MDGA2: variants seen among roughly 807,000 people sequenced by gnomAD.
MDGA2 encodes MAM domain-containing glycosylphosphatidylinositol anchor protein 2.
MDGA2 carries 40 observed loss-of-function variants against 117.8 expected under a neutral mutation model. The ratio of observed to expected loss-of-function variants is 0.34; its 90% CI spans 0.26 to 0.44. The LOEUF is 0.44. Ranked by LOEUF, MDGA2 falls within the 20% of genes least tolerant of loss-of-function variation. MDGA2 has a pLI of 1.00. For synonymous variants in MDGA2, 452 were observed against 439.0 expected, an observed-to-expected ratio of 1.03 and a Z score of -0.37; for missense variants, 1,123 against 1,250.6, an observed-to-expected ratio of 0.90 and a Z score of 1.54.
chr14:47,606,551 T>C (rs933196749), intron 1 of MDGA2, among the ~76,000 whole-genome samples: 2 of 152,202 alleles, frequency 1.3e-5, no homozygotes, highest in Admixed American at 1.3e-4. Flanking sequence ...TGACTGTGTG[T>C]AGCAATCTTG....
At chr14:47,444,183 G>A (rs1893072836) in intron 1 of MDGA2, 1 of 221,450 alleles carries the variant, frequency 4.5e-6, no homozygotes, top group Non-Finnish European at 9.4e-6. Context: ...GCCAGCTGAG[G>A]TTGTCAATAC....
chr14:47,244,211 A>G (rs1405156064), intron 2 of MDGA2, among the ~76,000 whole-genome samples: 1 of 151,874 alleles, frequency 6.6e-6, no homozygotes, highest in Non-Finnish European at 1.5e-5. Flanking sequence ...GTATTGGCTT[A>G]ACAAATGAAT....
At chr14:47,071,862 C>T (rs757245771) in intron 6 of MDGA2, among the ~76,000 whole-genome samples, 42 of 152,144 alleles carry the variant, frequency 2.8e-4, no homozygotes, top group Non-Finnish European at 4.4e-4. Context: ...TTTTTACCCA[C>T]TTCTTTATAG....
At chr14:46,985,317 T>C (rs2138403650) in intron 8 of MDGA2, among the ~76,000 whole-genome samples, 1 of 152,198 alleles carries the variant, frequency 6.6e-6, no homozygotes, top group Non-Finnish European at 1.5e-5. Flanking sequence ...TTTTGTTTTC[T>C]ACTACTAATT....
chr14:47,549,343 A>ATCTCTCTCTATCTCTCTCTC (rs1895532146), intron 1 of MDGA2, among the ~76,000 whole-genome samples: 1 of 140,112 alleles, frequency 7.1e-6, no homozygotes, highest in African/African-American at 2.7e-5. Flanking sequence ...CACCAGTATT[A>ATCTCTCTCTATCTCTCTCTC]TCTCTCTCTC....
At chr14:46,982,064 A>G (rs1006825189) in intron 8 of MDGA2, among the ~76,000 whole-genome samples, 2 of 152,198 alleles carry the variant, frequency 1.3e-5, no homozygotes, top group Non-Finnish European at 2.9e-5. Flanking sequence ...TTTGAGCATC[A>G]CCTAAATATT....
At chr14:47,454,855 A>G (rs1049556232) in intron 1 of MDGA2, among the ~76,000 whole-genome samples, 6 of 136,138 alleles carry the variant, frequency 4.4e-5, no homozygotes, top group African/African-American at 1.6e-4. Flanking sequence ...AGCAAAGATG[A>G]CTTTGAGAAA....
At chr14:47,450,139 T>G (rs1594862708) in intron 1 of MDGA2, among the ~76,000 whole-genome samples, 1 of 151,432 alleles carries the variant, frequency 6.6e-6, no homozygotes, top group African/African-American at 2.4e-5. Context: ...CATTTGAAGG[T>G]TTTTTTTAGT....
intron 10 of MDGA2, among the ~76,000 whole-genome samples, chr14:46,889,583 A>G (rs1230930050): frequency 6.6e-6 from 1 of 151,928 alleles, no homozygotes; most frequent in Non-Finnish European, 1.5e-5. Flanking sequence ...ATGTCCTTGG[A>G]ACTGTCTTGG....
intron 2 of MDGA2, among the ~76,000 whole-genome samples, chr14:47,251,910 A>C (rs940447092): frequency 6.6e-6 from 1 of 150,794 alleles, no homozygotes; most frequent in African/African-American, 2.4e-5. Flanking sequence ...TATTTGACTC[A>C]GAACAAGGTT....
chr14:47,619,183 T>G (rs1854839695), intron 1 of MDGA2, among the ~76,000 whole-genome samples: 2 of 151,182 alleles, frequency 1.3e-5, no homozygotes, highest in Admixed American at 1.3e-4. Flanking sequence ...CTAATATGAT[T>G]GGAAACAATG....
At chr14:47,065,865 G>A (rs1405267634) in intron 6 of MDGA2, among the ~76,000 whole-genome samples, 5 of 152,036 alleles carry the variant, frequency 3.3e-5, no homozygotes, top group Non-Finnish European at 5.9e-5. Context: ...TCTCTAAATC[G>A]ATTATGTTTT....
intron 1 of MDGA2, among the ~76,000 whole-genome samples, chr14:47,499,179 A>G (rs1894346406): frequency 6.6e-6 from 1 of 152,156 alleles, no homozygotes; most frequent in African/African-American, 2.4e-5. Context: ...ATAATATAAT[A>G]TAATGGAACA....
chr14:46,990,014 T>C (rs1887023608), intron 8 of MDGA2, among the ~76,000 whole-genome samples: 2 of 152,122 alleles, frequency 1.3e-5, no homozygotes, highest in African/African-American at 4.8e-5. Flanking sequence ...AGGCTGTCAC[T>C]AAAGAATACT....
chr14:47,366,556 A>G (rs1469133416), intron 1 of MDGA2, among the ~76,000 whole-genome samples: 1 of 152,094 alleles, frequency 6.6e-6, no homozygotes, highest in Non-Finnish European at 1.5e-5. Flanking sequence ...TACTTTTACC[A>G]GGAGGTTATA....
chr14:47,434,196 T>G (rs1892854033), intron 1 of MDGA2, among the ~76,000 whole-genome samples: 1 of 152,106 alleles, frequency 6.6e-6, no homozygotes, highest in African/African-American at 2.4e-5. Flanking sequence ...TCTTGCCATA[T>G]GAGTGTTTTT....
At chr14:47,162,197 G>A (rs1002645469) in intron 3 of MDGA2, among the ~76,000 whole-genome samples, 13 of 151,648 alleles carry the variant, frequency 8.6e-5, no homozygotes, top group Admixed American at 2.0e-4. Flanking sequence ...TGCATGCCTC[G>A]GCCTCCCAAA....
In MDGA2 at chr14:47,035,073, G is replaced by C. The variant is rs1180054467; in HGVS notation, c.1757C>G (p.Thr586Ser). 1.2e-6 allele frequency: 2 copies of C among 1,614,054 alleles called. No homozygotes were observed. The highest frequency in any genetic ancestry group is 8.5e-7 in the Non-Finnish European group (1 of 1,179,994). ...REMSGMYRCQ[T>S]SQYNGFNVKP... ...CACGTTAAATCCATTGTATTGGCTG[G>C]TCTGACATCTGTACATTCCTGACAT... The change falls in exon 8 of 17, where the codon ACC becomes AGC. Residue 586 changes from threonine to serine, a missense_variant. Physicochemically the swap from Thr to Ser is moderately conservative, Grantham distance 58. Coordinates refer to ENST00000399232, the MANE Select transcript of MDGA2 (RefSeq NM_001113498.3).
chr14:46,951,468 C>T (rs767525467), intron 9 of MDGA2, among the ~76,000 whole-genome samples: 5 of 151,966 alleles, frequency 3.3e-5, no homozygotes, highest in Non-Finnish European at 2.9e-5. Flanking sequence ...CTTCTGTGAT[C>T]GTATTATGTA....
Sources: gnomAD v4.1 joint callset for allele counts (sites outside exome capture counted in the v4.1 genomes callset) on GRCh38, gnomAD v4.1.1 for gene constraint, MANE v1.5 for transcripts, NCBI Gene and HGNC (gene_info 2026-07-23, HGNC 2026-07-21) for gene names.